Variants in AGO2 observed in about 807,000 individuals in gnomAD.
The protein encoded by AGO2 is argonaute RISC catalytic component 2.
AGO2 carries 5 observed loss-of-function variants against 102.3 expected under a neutral mutation model. The observed-to-expected ratio is 0.05, with a 90% CI of 0.03 to 0.10. The LOEUF (loss-of-function observed/expected upper bound fraction) is 0.10. AGO2 is among the 10% of genes least tolerant of loss of function. AGO2 has a pLI of 1.00. For synonymous variants in AGO2, 449 were observed against 473.1 expected (o/e 0.95, Z 0.66); for missense variants, 541 against 1,183.7 (o/e 0.46, Z 7.97).
At chr8:140,597,330 C>T (rs553359362) in intron 1 of AGO2, among the ~76,000 whole-genome samples, 51 of 152,304 alleles carry the variant, frequency 3.3e-4, no homozygotes, top group African/African-American at 1.1e-3. Context: ...GCCAACGCAG[C>T]GCAGCACGGA....
intron 16 of AGO2, among the ~76,000 whole-genome samples, chr8:140,536,365 C>T (rs548543311): frequency 2.7e-5 from 4 of 150,500 alleles, no homozygotes; most frequent in East Asian, 3.9e-4. Flanking sequence ...CTTGCTTTGC[C>T]ACCCAGGCTG....
At chr8:140,569,353 C>T (rs961495707) in intron 3 of AGO2, among the ~76,000 whole-genome samples, 1 of 152,218 alleles carries the variant, frequency 6.6e-6, no homozygotes, top group East Asian at 1.9e-4. Context: ...ACTCCTAGAC[C>T]GTGTCAACCC....
intron 14 of AGO2, 71 bp downstream of exon 14, chr8:140,544,142 G>A (rs2072849536): frequency 3.6e-5 from 53 of 1,464,936 alleles, no homozygotes; most frequent in Non-Finnish European, 4.6e-5. Flanking sequence ...TGGCCACGCT[G>A]TGACAGTGGG....
chr8:140,601,081 A>T (rs1162539959), intron 1 of AGO2, among the ~76,000 whole-genome samples: 1 of 152,226 alleles, frequency 6.6e-6, no homozygotes, highest in Non-Finnish European at 1.5e-5. Context: ...AGCCAGAGAT[A>T]CCAGGAAGGG....
intron 15 of AGO2, 97 bp downstream of exon 15, chr8:140,541,067 A>T (rs772800314): frequency 3.7e-5 from 50 of 1,338,980 alleles, no homozygotes; most frequent in Non-Finnish European, 4.9e-5. Context: ...AATGAGAGCC[A>T]CATCATTCTT....
At chr8:140,598,767 G>A (rs1190469172) in intron 1 of AGO2, among the ~76,000 whole-genome samples, 1 of 152,190 alleles carries the variant, frequency 6.6e-6, no homozygotes, top group Non-Finnish European at 1.5e-5. Flanking sequence ...CCCCAACAGG[G>A]CAGAATTACC....
intron 1 of AGO2, among the ~76,000 whole-genome samples, chr8:140,628,298 C>T (rs2074299594): frequency 1.3e-5 from 2 of 152,220 alleles, no homozygotes; most frequent in Admixed American, 1.3e-4. Flanking sequence ...TTTGCTTCCC[C>T]AGGGAACGAA....
chr8:140,547,756 T>C (rs1205615892), intron 12 of AGO2, 129 bp from the exon 13 acceptor site: 11 of 1,304,980 alleles, frequency 8.4e-6, no homozygotes, highest in African/African-American at 3.0e-5. Context: ...TGCTGAGCTT[T>C]GCGTGTCCCC....
At chr8:140,549,889 G>A (rs1004792626) in intron 11 of AGO2, among the ~76,000 whole-genome samples, 2 of 152,218 alleles carry the variant, frequency 1.3e-5, no homozygotes, top group African/African-American at 4.8e-5. Flanking sequence ...AGGCAGGGCA[G>A]CGGCTTCTAT....
At chr8:140,553,025 T>G (rs73360488) in intron 10 of AGO2, among the ~76,000 whole-genome samples, 3 of 152,150 alleles carry the variant, frequency 2.0e-5, no homozygotes, top group African/African-American at 7.2e-5. Context: ...CAGGGGTAGG[T>G]AGAGTAGGGG....
intron 1 of AGO2, among the ~76,000 whole-genome samples, chr8:140,625,208 G>A (rs2074260670): frequency 6.6e-6 from 1 of 152,172 alleles, no homozygotes; most frequent in Non-Finnish European, 1.5e-5. Flanking sequence ...CGCGATCTCA[G>A]CTCGCTCCAA....
Position 140,562,595 on chromosome 8 carries a change from G to A in AGO2, c.376C>T (p.Arg126Cys), listed in dbSNP as rs756399814. The stretch of plus-strand genomic sequence containing the variant: ...CACTTGATGGACACCTTGAAGATGC[G>A]ATCCTTGCCTTCTCCTGGCAGCGTG... ...EVTLPGEGKDRIFKVSIKWVS... is the reference protein window; with the variant it reads ...EVTLPGEGKDCIFKVSIKWVS... Residue 126 changes from arginine to cysteine, a missense_variant, in exon 4 of 19, where the codon CGC (arginine) becomes TGC (cysteine). Arg to Cys is a radical substitution (Grantham distance 180). Around this residue, in one of 6 missense-constraint regions of AGO2, gnomAD observed 147 missense variants for 204.1 expected, o/e 0.72. Transcript: ENST00000220592. 3.1e-6 allele frequency: 5 copies of A among 1,613,980 alleles called. No individual in the cohort carries two copies. Among genetic ancestry groups the A allele is most frequent in the Non-Finnish European group, 3.4e-6 (4 of 1,180,004 alleles).
chr8:140,552,305 T>TCAGCTCTCAGC lies in AGO2; in HGVS notation c.1270-880_1270-870dup, dbSNP rs567496636. ...AAAGGCGGGCTGTGCAAATGCGCTG[T>TCAGCTCTCAGC]CAGCTCTCAGCCAGCTCTCAGCCAG... is the stretch of plus-strand genomic sequence containing the variant. On this transcript the variant is annotated intron_variant, in intron 10 of 18. Coordinates refer to ENST00000220592, the MANE Select transcript of AGO2 (RefSeq NM_012154.5). 3.7e-4 allele frequency among the ~76,000 whole-genome samples: 56 copies of TCAGCTCTCAGC among 152,322 alleles called. 1 individual carries two copies. In the South Asian group the frequency reaches 5.0e-3, roughly 14 times the overall value.
At chr8:140,590,351 G>C (rs999313842) in intron 1 of AGO2, among the ~76,000 whole-genome samples, 17 of 152,228 alleles carry the variant, frequency 1.1e-4, no homozygotes, top group Non-Finnish European at 2.4e-4. Flanking sequence ...AGGAACCCTC[G>C]CACTTTGGGG....
intron 5 of AGO2, 83 bp downstream of exon 5, chr8:140,560,291 C>T: frequency 6.4e-7 from 1 of 1,551,140 alleles, no homozygotes; most frequent in Non-Finnish European, 8.7e-7. Flanking sequence ...GAGCTGGCCA[C>T]ATGCCACCCC....
chr8:140,624,618 C>T (rs1026962466), intron 1 of AGO2, among the ~76,000 whole-genome samples: 6 of 152,252 alleles, frequency 3.9e-5, no homozygotes, highest in Non-Finnish European at 5.9e-5. Context: ...CTCTGGTCCT[C>T]GCATTCCGAG....
At chr8:140,593,719 C>G (rs1423741544) in intron 1 of AGO2, among the ~76,000 whole-genome samples, 1 of 151,944 alleles carries the variant, frequency 6.6e-6, no homozygotes, top group Non-Finnish European at 1.5e-5. Context: ...ACAATGCAGA[C>G]CCCTTCAGGC....
the AGO2 span, among the ~76,000 whole-genome samples, chr8:140,640,752 C>T: frequency 2.0e-5 from 3 of 152,284 alleles, no homozygotes; most frequent in South Asian, 6.2e-4. Context: ...AACTCCTGAC[C>T]TTGTGATCCG....
rs1207022097 is a variant in AGO2, at chr8:140,589,337, C to A, written c.23-4026G>T. ...GAATAGCCCAGCTCTTCCGTGAAGC[C>A]GCTTTGGCTACCGGCGGGTGAACCA... On this transcript the variant is annotated intron_variant, in intron 1 of 18. Transcript: ENST00000220592. The surrounding 1 kb of genome is among the most constrained non-coding windows in gnomAD (Gnocchi z 4.2). 6.6e-6 allele frequency among the ~76,000 whole-genome samples: 1 copy of A among 152,144 alleles called. No homozygotes were observed. Among genetic ancestry groups the A allele is most frequent in the African/African-American group, 2.4e-5 (1 of 41,442 alleles).
Sources: allele counts gnomAD v4.1 joint callset (sites outside exome capture counted in the v4.1 genomes callset), GRCh38; gene constraint gnomAD v4.1.1; regional missense constraint gnomAD v4.1.1; non-coding constraint Gnocchi (gnomAD v3.1); transcripts MANE v1.5; gene names NCBI Gene and HGNC (gene_info 2026-07-23, HGNC 2026-07-21).